HP1BP3: variants seen among roughly 807,000 people sequenced by gnomAD.
HP1BP3 encodes heterochromatin protein 1-binding protein 3.
Under a neutral mutation model 62.5 loss-of-function variants are expected in HP1BP3, and 12 were observed. The ratio of observed to expected loss-of-function variants is 0.19; its 90% CI spans 0.12 to 0.31. The LOEUF is 0.31. Ranked by LOEUF, HP1BP3 falls within the 10% of genes least tolerant of loss-of-function variation. The probability of loss-of-function intolerance (pLI) is 1.00; values close to 1 mark genes in which losing one functional copy is unlikely to be tolerated. For synonymous variants in HP1BP3, 260 were observed against 237.8 expected, an observed-to-expected ratio of 1.09 and a Z score of -0.86; for missense variants, 502 against 651.8, an observed-to-expected ratio of 0.77 and a Z score of 2.50.
chr1:20,786,013 T>C (rs942695421), intron 1 of HP1BP3, among the ~76,000 whole-genome samples: 9 of 152,306 alleles, frequency 5.9e-5, no homozygotes, highest in African/African-American at 2.2e-4. Flanking sequence ...TTTAATGCAA[T>C]GCAAAGTCAG....
chr1:20,783,694 C>A (rs1455937456), intron 1 of HP1BP3, among the ~76,000 whole-genome samples: 1 of 137,730 alleles, frequency 7.3e-6, no homozygotes, highest in Non-Finnish European at 1.5e-5. Context: ...CACTTGAACC[C>A]GGGAATCCGA....
chr1:20,759,357 C>G (rs1451416658), intron 8 of HP1BP3, among the ~76,000 whole-genome samples: 3 of 152,158 alleles, frequency 2.0e-5, no homozygotes, highest in Admixed American at 2.0e-4. Flanking sequence ...GAGCCAAGAT[C>G]GTGCCATTGC....
intron 7 of HP1BP3, among the ~76,000 whole-genome samples, chr1:20,767,293 G>A (rs140742966): frequency 1.2e-4 from 18 of 152,160 alleles, no homozygotes; most frequent in African/African-American, 3.9e-4. Context: ...TACAGCATGG[G>A]CAACAGAGCA....
rs554461708 is a variant in HP1BP3 at position 20,754,470 on chromosome 1, G to GTT, written c.981+2694_981+2695dup. Among the ~76,000 whole-genome samples the GTT allele has an allele frequency of 8.1e-4, 116 of 143,300 alleles. 1 individual carries two copies. The highest frequency in any genetic ancestry group is 2.6e-3 in the African/African-American group (103 of 39,206). The allele number at this position is 143,300 out of a possible 152,430, so 94.0% of individuals were successfully genotyped here. ...TACCAAAACTCCAGCTGTTTTTTTG[G>GTT]TTTTTTTTTTTTGGCAGAAATGGAC... On this transcript the variant is annotated intron_variant, in intron 9 of 12. Transcript: ENST00000438032.
intron 1 of HP1BP3, among the ~76,000 whole-genome samples, chr1:20,783,611 G>A (rs1261078348): frequency 6.6e-6 from 1 of 151,372 alleles, no homozygotes; most frequent in Non-Finnish European, 1.5e-5. Flanking sequence ...GAACTTCAAA[G>A]GTTCAATCTG....
chr1:20,785,421 C>T (rs1234144391), intron 1 of HP1BP3, among the ~76,000 whole-genome samples: 2 of 152,102 alleles, frequency 1.3e-5, no homozygotes, highest in Admixed American at 6.5e-5. Flanking sequence ...ATATGTAATA[C>T]ATGTCATTAG....
At chr1:20,784,511 C>T (rs1468135035) in intron 1 of HP1BP3, among the ~76,000 whole-genome samples, 1 of 132,560 alleles carries the variant, frequency 7.5e-6, no homozygotes, top group East Asian at 2.4e-4. Flanking sequence ...CCGAGTCTTG[C>T]TCTGTCGCCC....
At chr1:20,757,543 G>T (rs2056197201) in intron 8 of HP1BP3, among the ~76,000 whole-genome samples, 1 of 151,830 alleles carries the variant, frequency 6.6e-6, no homozygotes, top group African/African-American at 2.4e-5. Flanking sequence ...GGCTAATTTT[G>T]CATTTTTAGT....
At position 20,742,349 on chromosome 1, in the gene HP1BP3, T is replaced by C. The variant is rs1447319458; in HGVS notation, c.*2448A>G. On this transcript the variant is annotated 3_prime_UTR_variant, in exon 13 of 13. Coordinates refer to ENST00000438032, the MANE Select transcript of HP1BP3 (RefSeq NM_001372052.1). ...AGGATTTATCTGTTATCTTTTGCAG[T>C]ACTGTAATTTTTTCTAGTCCAAGGA... Among the ~76,000 whole-genome samples, 1 of 152,248 alleles carries C rather than the reference T, an allele frequency of 6.6e-6. No homozygotes were observed. The highest frequency in any genetic ancestry group is 1.5e-5 in the Non-Finnish European group (1 of 68,032).
At chr1:20,763,366 A>G (rs1001798481) in intron 8 of HP1BP3, among the ~76,000 whole-genome samples, 3 of 152,240 alleles carry the variant, frequency 2.0e-5, no homozygotes, top group Non-Finnish European at 4.4e-5. Flanking sequence ...ATATCAGCAC[A>G]TTAATTTAGA....
At position 20,741,598 on chromosome 1, in the gene HP1BP3, G is replaced by A. The variant is rs1231218827; in HGVS notation, c.*3199C>T. ...TAGTCAGAATCCATGTGCAATGAAT[G>A]CTTCTGTCATAGTGCTAAGGAAAGG... On this transcript the variant is annotated 3_prime_UTR_variant, in exon 13 of 13. Coordinates refer to ENST00000438032, the MANE Select transcript of HP1BP3 (RefSeq NM_001372052.1). 2.0e-5 allele frequency among the ~76,000 whole-genome samples: 3 copies of A among 152,194 alleles called. No individual in the cohort carries two copies. The highest frequency in any genetic ancestry group is 4.4e-5 in the Non-Finnish European group (3 of 68,044).
intron 3 of HP1BP3, 91 bp from the exon 4 acceptor site, chr1:20,776,841 CCA>C: frequency 9.7e-7 from 1 of 1,034,498 alleles, no homozygotes; most frequent in Non-Finnish European, 1.3e-6. Flanking sequence ...AACGGACCAG[CCA>C]AAGTCTCCAA....
intron 7 of HP1BP3, among the ~76,000 whole-genome samples, chr1:20,766,696 T>C (rs557996918): frequency 6.6e-6 from 1 of 152,262 alleles, no homozygotes; most frequent in Non-Finnish European, 1.5e-5. Context: ...TCCCAGCACG[T>C]TGGGAGGCGG....
chr1:20,782,097 G>A (rs531921831), intron 1 of HP1BP3, among the ~76,000 whole-genome samples: 1 of 152,216 alleles, frequency 6.6e-6, no homozygotes, highest in African/African-American at 2.4e-5. Context: ...AAATGCTACC[G>A]TGAAGTCAAC....
intron 1 of HP1BP3, among the ~76,000 whole-genome samples, chr1:20,783,371 T>G (rs1266566484): frequency 1.3e-5 from 2 of 151,954 alleles, no homozygotes; most frequent in East Asian, 1.9e-4. Context: ...ACACAAAAGT[T>G]AGCCAGGCGC....
chr1:20,765,175 TAAAAAAAAA>T (rs4057761), intron 8 of HP1BP3, among the ~76,000 whole-genome samples, 193 bp downstream of exon 8: 7 of 57,358 alleles, frequency 1.2e-4, no homozygotes, highest in Non-Finnish European at 2.1e-4. Context: ...CTCAAAAAAC[TAAAAAAAAA>T]AAAAAAAAAA....
chr1:20,746,996 A>C (rs142446281), intron 11 of HP1BP3, among the ~76,000 whole-genome samples: 1 of 152,214 alleles, frequency 6.6e-6, no homozygotes, highest in African/African-American at 2.4e-5. Context: ...CCTGGGCGAT[A>C]GAGTGAGACC....
chr1:20,752,176 C>CGCTT (rs2055804857), intron 9 of HP1BP3, among the ~76,000 whole-genome samples: 1 of 151,874 alleles, frequency 6.6e-6, no homozygotes, highest in South Asian at 2.1e-4. Flanking sequence ...GCAGGAGAAT[C>CGCTT]GCTTGAACCC....
At chr1:20,758,090 G>C (rs2056233162) in intron 8 of HP1BP3, among the ~76,000 whole-genome samples, 1 of 152,140 alleles carries the variant, frequency 6.6e-6, no homozygotes, top group East Asian at 1.9e-4. Context: ...AGGTTGCAGT[G>C]AGCTGAGACC....
Sources: gnomAD v4.1 joint callset for allele counts (sites outside exome capture counted in the v4.1 genomes callset) on GRCh38, gnomAD v4.1.1 for gene constraint, MANE v1.5 for transcripts, NCBI Gene and HGNC (gene_info 2026-07-23, HGNC 2026-07-21) for gene names.